The following F13A1 variants were observed in gnomAD, a reference collection of about 807,000 sequenced individuals.
The protein encoded by F13A1 is coagulation factor XIII A chain, also known as FSF, A subunit.
In F13A1, 47 loss-of-function variants were observed where a neutral mutation model predicts 80.1. The observed-to-expected ratio is 0.59, with a 90% CI of 0.46 to 0.75. F13A1 has a LOEUF of 0.75. Among genes scored for constraint, F13A1 ranks in the 30% least tolerant of loss-of-function variants. The probability of loss-of-function intolerance (pLI) is 0.00; values close to 1 mark genes in which losing one functional copy is unlikely to be tolerated. For synonymous variants in F13A1, 349 were observed against 344.9 expected (o/e 1.01, Z -0.13); for missense variants, 817 against 930.4 (o/e 0.88, Z 1.59).
In F13A1 at chr6:6,318,546, A is replaced by T; in HGVS notation, c.119T>A (p.Val40Asp). 6.2e-7 allele frequency: 1 copy of T among 1,613,512 alleles called. No homozygotes were observed. Among genetic ancestry groups the T allele is most frequent in the South Asian group, 1.1e-5 (1 of 90,916 alleles). ...GGGTATGCTCATACCTTGCAGGTTG[A>T]CGCCCCGGGGCACCACGCCCTGAAG... ...VELQGVVPRG[V>D]NLQEFLNVTS... Residue 40 changes from valine (V) to aspartate (D), a missense_variant, in exon 2 of 15, where the codon GTC becomes GAC. Val to Asp is a radical substitution (Grantham distance 152). Transcript: ENST00000264870.
chr6:6,146,836 C>T (rs771886351), intron 14 of F13A1, among the ~76,000 whole-genome samples: 1 of 152,300 alleles, frequency 6.6e-6, no homozygotes, highest in East Asian at 1.9e-4. Context: ...TAAGAAAAGG[C>T]TTTTTCTAAG....
chr6:6,228,611 G>A (rs956147238), intron 6 of F13A1, among the ~76,000 whole-genome samples: 6 of 151,572 alleles, frequency 4.0e-5, no homozygotes, highest in Non-Finnish European at 8.8e-5. Flanking sequence ...GCACATGCCT[G>A]TAGTCCCCGC....
At chr6:6,146,391 A>G (rs1760280140) in intron 14 of F13A1, among the ~76,000 whole-genome samples, 1 of 152,126 alleles carries the variant, frequency 6.6e-6, no homozygotes, top group South Asian at 2.1e-4. Context: ...TTCTGCTACC[A>G]TTTGTTGCCA....
intron 8 of F13A1, among the ~76,000 whole-genome samples, chr6:6,211,166 T>G (rs545330688): frequency 6.6e-6 from 1 of 152,242 alleles, no homozygotes; most frequent in Non-Finnish European, 1.5e-5. Flanking sequence ...AACATGCTGT[T>G]AAGAGGTAGA....
At chr6:6,203,470 AG>A (rs1440780245) in intron 8 of F13A1, among the ~76,000 whole-genome samples, 1 of 152,248 alleles carries the variant, frequency 6.6e-6, no homozygotes, top group East Asian at 1.9e-4. Context: ...AGACAGAGCA[AG>A]TCAGGGATTC....
At chr6:6,255,623 T>C (rs1437038079) in intron 4 of F13A1, among the ~76,000 whole-genome samples, 1 of 152,012 alleles carries the variant, frequency 6.6e-6, no homozygotes, top group Non-Finnish European at 1.5e-5. Flanking sequence ...AATGAAGGAT[T>C]TACCTTTGGG....
At chr6:6,249,135 T>G (rs1279562510) in intron 5 of F13A1, among the ~76,000 whole-genome samples, 2 of 152,246 alleles carry the variant, frequency 1.3e-5, no homozygotes, top group African/African-American at 2.4e-5. Context: ...TTACCTATAC[T>G]GTACCTCACT....
chr6:6,261,088 C>A (rs1006843776), intron 4 of F13A1, among the ~76,000 whole-genome samples: 1 of 152,168 alleles, frequency 6.6e-6, no homozygotes, highest in African/African-American at 2.4e-5. Context: ...CCTGCCTCAG[C>A]CTCCTGAGTA....
intron 3 of F13A1, among the ~76,000 whole-genome samples, chr6:6,271,037 CG>C (rs200925360): frequency 0.019 from 2,882 of 151,378 alleles, 88 homozygotes; most frequent in African/African-American, 0.066. Flanking sequence ...GCTGATGCCA[CG>C]TGGCCCGGGA....
intron 8 of F13A1, among the ~76,000 whole-genome samples, chr6:6,217,856 A>C (rs1031745403): frequency 6.6e-6 from 1 of 152,206 alleles, no homozygotes; most frequent in Non-Finnish European, 1.5e-5. Context: ...CTGCTCTAAA[A>C]TGTGCTTTGA....
chr6:6,207,678 C>A (rs978052944), intron 8 of F13A1, among the ~76,000 whole-genome samples: 2 of 152,138 alleles, frequency 1.3e-5, no homozygotes, highest in East Asian at 3.8e-4. Flanking sequence ...AAACTGCCTG[C>A]GGGTTAATTA....
At chr6:6,283,819 A>G (rs1485632229) in intron 3 of F13A1, among the ~76,000 whole-genome samples, 1 of 152,172 alleles carries the variant, frequency 6.6e-6, no homozygotes, top group Non-Finnish European at 1.5e-5. Flanking sequence ...GCAACATCCT[A>G]TCTCTAACAA....
intron 3 of F13A1, among the ~76,000 whole-genome samples, chr6:6,304,339 G>C (rs1379589299): frequency 2.6e-5 from 4 of 151,970 alleles, no homozygotes. Context: ...TTTGTGCATA[G>C]GATTATATGG....
At chr6:6,227,512 C>G (rs966777689) in intron 6 of F13A1, among the ~76,000 whole-genome samples, 1 of 152,204 alleles carries the variant, frequency 6.6e-6, no homozygotes, top group Admixed American at 6.5e-5. Flanking sequence ...AAGATCAGTA[C>G]TTCTCCTTGC....
intron 12 of F13A1, 118 bp downstream of exon 12, chr6:6,174,462 C>T (rs1440146590): frequency 1.8e-6 from 2 of 1,135,354 alleles, no homozygotes; most frequent in African/African-American, 3.0e-5. Flanking sequence ...GAGGCTCACA[C>T]TTCTGAGATC....
chr6:6,263,399 G>C (rs189766478), intron 4 of F13A1, among the ~76,000 whole-genome samples: 1 of 152,266 alleles, frequency 6.6e-6, no homozygotes, highest in East Asian at 1.9e-4. Flanking sequence ...AGAGTTGACT[G>C]CTGTCTTGAA....
intron 10 of F13A1, among the ~76,000 whole-genome samples, chr6:6,190,573 C>A (rs2151080175): frequency 6.6e-6 from 1 of 151,622 alleles, no homozygotes; most frequent in South Asian, 2.1e-4. Context: ...AGGAGGCAGT[C>A]TGCCCCTTCT....
At chr6:6,204,495 C>G (rs1345617696) in intron 8 of F13A1, among the ~76,000 whole-genome samples, 1 of 152,212 alleles carries the variant, frequency 6.6e-6, no homozygotes, top group African/African-American at 2.4e-5. Context: ...AGCCCTACCT[C>G]TCTGGTTCTG....
intron 6 of F13A1, among the ~76,000 whole-genome samples, chr6:6,235,550 C>T (rs1757403327): frequency 6.6e-6 from 1 of 151,884 alleles, no homozygotes; most frequent in Non-Finnish European, 1.5e-5. Context: ...GTATCATCAG[C>T]CATTAAGGAA....
Sources: gnomAD v4.1 joint callset for allele counts (sites outside exome capture counted in the v4.1 genomes callset) on GRCh38, gnomAD v4.1.1 for gene constraint, MANE v1.5 for transcripts, NCBI Gene and HGNC (gene_info 2026-07-23, HGNC 2026-07-21) for gene names.